Variants in JAZF1 observed in about 807,000 individuals in gnomAD.
JAZF1 encodes JAZF zinc finger 1, also known as juxtaposed with another zinc finger protein 1.
JAZF1 carries 8 observed loss-of-function variants against 26.4 expected under a neutral mutation model. The ratio of observed to expected loss-of-function variants is 0.30; its 90% confidence interval spans 0.18 to 0.55. The LOEUF (loss-of-function observed/expected upper bound fraction) is 0.55. Ranked by LOEUF, JAZF1 falls within the 20% of genes least tolerant of loss-of-function variation. JAZF1 has a pLI of 0.94. For missense variants in JAZF1, 199 were observed against 322.0 expected, an observed-to-expected ratio of 0.62 and a Z score of 2.92; for synonymous variants, 126 against 122.3, an observed-to-expected ratio of 1.03 and a Z score of -0.20.
At chr7:28,010,325 G>A (rs571423935) in intron 1 of JAZF1, among the ~76,000 whole-genome samples, 4 of 152,250 alleles carry the variant, frequency 2.6e-5, no homozygotes, top group Admixed American at 6.5e-5. Flanking sequence ...CTGGGAGGGC[G>A]GTCGTCCCCC....
rs1782692108 is a variant in JAZF1, at chr7:27,831,375, TG to T, written c.*1424del. The T allele has an allele frequency of 4.4e-6, 1 of 227,536 alleles. No homozygotes were observed. Among genetic ancestry groups the T allele is most frequent in the South Asian group, 1.8e-4 (1 of 5,472 alleles). The allele number at this position is 227,536 out of a possible 1,614,324, so 14.1% of individuals were successfully genotyped here. A position where few individuals can be genotyped will look rare whatever the true frequency, so the allele number is the denominator to read the frequency against. ...TTATAAGCAATTTGAGTTTGTTTTATGGGCAGTTAGCTATCTCAAAGCATTT... is the reference window on the plus strand; with the variant it reads ...TTATAAGCAATTTGAGTTTGTTTTATGGCAGTTAGCTATCTCAAAGCATTT... On this transcript the variant is annotated 3_prime_UTR_variant, in exon 5 of 5. Transcript: ENST00000283928.
chr7:27,833,605 C>G, intron 4 of JAZF1, among the ~76,000 whole-genome samples: 1 of 152,158 alleles, frequency 6.6e-6, no homozygotes, highest in East Asian at 1.9e-4. Context: ...TTAATAAGCA[C>G]CTGTAGTCAG....
At chr7:27,987,151 G>A (rs1278907134) in intron 2 of JAZF1, among the ~76,000 whole-genome samples, 3 of 151,176 alleles carry the variant, frequency 2.0e-5, no homozygotes, top group Non-Finnish European at 2.9e-5. Flanking sequence ...CTGCCTGGCC[G>A]CCCAGTCTGG....
chr7:27,986,883 C>T (rs1785726351), intron 2 of JAZF1, among the ~76,000 whole-genome samples: 1 of 152,196 alleles, frequency 6.6e-6, no homozygotes, highest in African/African-American at 2.4e-5. Context: ...TCTCCAGCTC[C>T]TGACTGTGAG....
chr7:27,956,315 C>A (rs1785091521), intron 2 of JAZF1, among the ~76,000 whole-genome samples: 2 of 152,108 alleles, frequency 1.3e-5, no homozygotes, highest in Admixed American at 1.3e-4. Flanking sequence ...AACTGAGGGT[C>A]CGGACCTTTG....
chr7:27,953,808 A>G (rs1434635300), intron 2 of JAZF1, among the ~76,000 whole-genome samples: 3 of 152,256 alleles, frequency 2.0e-5, no homozygotes, highest in African/African-American at 7.2e-5. Flanking sequence ...CTGTGAGATG[A>G]TAAGAAGTGC....
rs112055418 is a variant in JAZF1 at position 27,930,110 on chromosome 7, C to T, written c.189-34694G>A. ...TCCCGGGTTCACACCATTCTCCTGC[C>T]TCAGCCCCCCGAGTAGCTGGGATTA... On this transcript the variant is annotated intron_variant, in intron 2 of 4. Transcript: ENST00000283928. Among the ~76,000 whole-genome samples the T allele has an allele frequency of 5.1e-3, 779 of 152,228 alleles. 6 individuals carry two copies. The highest frequency in any genetic ancestry group is 0.018 in the African/African-American group (740 of 41,520).
chr7:27,856,115 T>C (rs550803608), intron 3 of JAZF1, among the ~76,000 whole-genome samples: 48 of 152,290 alleles, frequency 3.2e-4, no homozygotes, highest in African/African-American at 9.6e-4. Flanking sequence ...CCTCGTGGTG[T>C]GTGTTACAGT....
chr7:28,009,624 C>G (rs1192056565), intron 1 of JAZF1, among the ~76,000 whole-genome samples: 1 of 152,118 alleles, frequency 6.6e-6, no homozygotes, highest in African/African-American at 2.4e-5. Context: ...GGTGGGACTA[C>G]AGGCGCATGT....
chr7:28,178,295 T>C (rs1388488433), intron 1 of JAZF1, among the ~76,000 whole-genome samples: 1 of 152,110 alleles, frequency 6.6e-6, no homozygotes, highest in African/African-American at 2.4e-5. Context: ...TTTTAAACCA[T>C]CTCAAACTAA....
At chr7:27,949,107 T>C (rs1311051049) in intron 2 of JAZF1, among the ~76,000 whole-genome samples, 1 of 152,198 alleles carries the variant, frequency 6.6e-6, no homozygotes, top group Non-Finnish European at 1.5e-5. Context: ...TAGATGTTAT[T>C]TTCTGGACTC....
At chr7:27,981,739 A>C (rs930492159) in intron 2 of JAZF1, among the ~76,000 whole-genome samples, 4 of 152,202 alleles carry the variant, frequency 2.6e-5, no homozygotes, top group African/African-American at 9.7e-5. Context: ...GACGGCTATA[A>C]TAAAATGTTA....
intron 3 of JAZF1, chr7:27,844,216 T>TA (rs1782976834): frequency 1.3e-5 from 2 of 152,228 alleles, no homozygotes; most frequent in Admixed American, 1.3e-4. Context: ...CAACCGCTGT[T>TA]AGTCTCCTTT....
intron 1 of JAZF1, among the ~76,000 whole-genome samples, chr7:28,179,652 A>G (rs1783604056): frequency 6.7e-6 from 1 of 148,986 alleles, no homozygotes; most frequent in Non-Finnish European, 1.5e-5. Context: ...CGCACCCAAG[A>G]CCTCAGCCCG....
chr7:28,165,940 CAATA>C (rs1434687760), intron 1 of JAZF1, among the ~76,000 whole-genome samples: 1 of 152,020 alleles, frequency 6.6e-6, no homozygotes, highest in African/African-American at 2.4e-5. Context: ...AGTTGGCACT[CAATA>C]AATAGTTACT....
chr7:27,911,583 A>G (rs918490217), intron 2 of JAZF1, among the ~76,000 whole-genome samples: 2 of 152,248 alleles, frequency 1.3e-5, no homozygotes, highest in East Asian at 3.8e-4. Context: ...TAATTTAAGT[A>G]GCCACATATG....
chr7:28,147,413 A>G (rs1046572823), intron 1 of JAZF1, among the ~76,000 whole-genome samples: 3 of 152,166 alleles, frequency 2.0e-5, no homozygotes, highest in Non-Finnish European at 4.4e-5. Flanking sequence ...TAAGTATCCA[A>G]GTACTCACCT....
At chr7:27,887,670 A>C (rs1422446039) in intron 3 of JAZF1, among the ~76,000 whole-genome samples, 9 of 151,894 alleles carry the variant, frequency 5.9e-5, no homozygotes, top group Non-Finnish European at 7.4e-5. Context: ...TCCGTCTTGG[A>C]CTCCCAAAGT....
At chr7:27,859,315 G>A (rs995375279) in intron 3 of JAZF1, among the ~76,000 whole-genome samples, 34 of 152,214 alleles carry the variant, frequency 2.2e-4, no homozygotes, top group Non-Finnish European at 3.7e-4. Flanking sequence ...AGACAGTGTG[G>A]TGATTCCTCA....
Sources: allele counts gnomAD v4.1 joint callset (sites outside exome capture counted in the v4.1 genomes callset), GRCh38; gene constraint gnomAD v4.1.1; transcripts MANE v1.5; gene names NCBI Gene and HGNC (gene_info 2026-07-23, HGNC 2026-07-21).